Variants in INPP4B observed in about 807,000 individuals in gnomAD.
INPP4B encodes inositol polyphosphate 4-phosphatase type II.
INPP4B carries 55 observed loss-of-function variants against 122.5 expected under a neutral mutation model. The ratio of observed to expected loss-of-function variants is 0.45; its 90% CI spans 0.36 to 0.56. The LOEUF is 0.56. INPP4B is among the 20% of genes least tolerant of loss of function. The pLI is 0.00. For missense variants in INPP4B, 1,000 were observed against 1,097.7 expected, an observed-to-expected ratio of 0.91 and a Z score of 1.26; for synonymous variants, 403 against 388.7, an observed-to-expected ratio of 1.04 and a Z score of -0.43.
At chr4:142,489,077 A>G (rs1406997823) in intron 2 of INPP4B, among the ~76,000 whole-genome samples, 1 of 152,090 alleles carries the variant, frequency 6.6e-6, no homozygotes, top group Non-Finnish European at 1.5e-5. Context: ...AGATTGAAGC[A>G]TTTTCTAATT....
chr4:142,553,365 T>A (rs1728425130), intron 2 of INPP4B, among the ~76,000 whole-genome samples: 1 of 152,192 alleles, frequency 6.6e-6, no homozygotes, highest in African/African-American at 2.4e-5. Context: ...TCAAGTGCAA[T>A]AAATCTAAAA....
intron 18 of INPP4B, 76 bp from the exon 19 acceptor site, chr4:142,124,836 CTTATTT>C (rs1798030668): frequency 9.0e-7 from 1 of 1,115,930 alleles, no homozygotes; most frequent in African/African-American, 1.6e-5. Context: ...CAACTTCCAA[CTTATTT>C]TTAATTTTTC....
At chr4:142,781,330 C>G (rs146204542) in intron 1 of INPP4B, among the ~76,000 whole-genome samples, 120 of 152,306 alleles carry the variant, frequency 7.9e-4, no homozygotes, top group African/African-American at 2.8e-3. Flanking sequence ...AGTGTCGATC[C>G]TATTTCCATA....
At chr4:142,179,068 AAAAAC>A (rs1168827338) in intron 15 of INPP4B, among the ~76,000 whole-genome samples, 1 of 152,170 alleles carries the variant, frequency 6.6e-6, no homozygotes. Flanking sequence ...AGAATTAGAA[AAAAAC>A]AAAACAAAAC....
At chr4:142,603,291 T>C (rs1420843725) in intron 2 of INPP4B, among the ~76,000 whole-genome samples, 2 of 151,948 alleles carry the variant, frequency 1.3e-5, no homozygotes, top group East Asian at 3.9e-4. Flanking sequence ...GCTTAATACC[T>C]AGGTGATGGG....
At chr4:142,765,328 A>C (rs1374053115) in intron 1 of INPP4B, among the ~76,000 whole-genome samples, 2 of 152,166 alleles carry the variant, frequency 1.3e-5, no homozygotes, top group Non-Finnish European at 2.9e-5. Flanking sequence ...CTGGATGTGT[A>C]ATTCTGCAAA....
At chr4:142,032,519 TGAG>T (rs1319057596) in intron 25 of INPP4B, among the ~76,000 whole-genome samples, 1 of 152,206 alleles carries the variant, frequency 6.6e-6, no homozygotes, top group East Asian at 1.9e-4. Flanking sequence ...GACAAAAGTA[TGAG>T]AACTTCAATA....
In INPP4B at chr4:142,225,638, A is replaced by G. The variant is rs1267761843; in HGVS notation, c.836+12226T>C. On this transcript the variant is annotated intron_variant, in intron 12 of 25. Coordinates refer to ENST00000262992, the MANE Select transcript of INPP4B (RefSeq NM_001101669.3). ...CTTTCCTCTAAAGTCCTTGTATTATATGCTAGAAAGATCCTCCCACCTCAC... is the reference window on the plus strand; with the variant it reads ...CTTTCCTCTAAAGTCCTTGTATTATGTGCTAGAAAGATCCTCCCACCTCAC... Among the ~76,000 whole-genome samples the G allele has an allele frequency of 2.6e-5, 4 of 151,632 alleles. No individual in the cohort carries two copies. In the East Asian group the frequency reaches 7.7e-4, roughly 29 times the overall value.
intron 3 of INPP4B, among the ~76,000 whole-genome samples, chr4:142,457,161 A>G (rs1815636223): frequency 6.6e-6 from 1 of 152,062 alleles, no homozygotes; most frequent in African/African-American, 2.4e-5. Flanking sequence ...TCTAATTGTA[A>G]AACCTAAAAC....
chr4:142,201,001 T>C (rs1004252518), intron 14 of INPP4B, among the ~76,000 whole-genome samples: 2 of 152,096 alleles, frequency 1.3e-5, no homozygotes, highest in Non-Finnish European at 2.9e-5. Context: ...CTCAATTGCA[T>C]TCTGATTCTA....
In INPP4B at chr4:142,112,970, AT is replaced by A. The variant is rs781653446; in HGVS notation, c.2136-289del. On this transcript the variant is annotated intron_variant, in intron 21 of 25. Transcript: ENST00000262992. Reference sequence around the variant, plus strand: ...AGGGTCATGTGCATTGATAGCCTCAATTTTTTTTCTTTATTTAATTATTTTT... The same window carrying A: ...AGGGTCATGTGCATTGATAGCCTCAATTTTTTTCTTTATTTAATTATTTTT... Among the ~76,000 whole-genome samples, 22 of 152,018 alleles carry A rather than the reference AT, an allele frequency of 1.4e-4. No individual in the cohort carries two copies. The East Asian group carries it at 1.9e-3, about 13-fold the overall frequency.
chr4:142,648,429 G>A (rs1353808876), intron 2 of INPP4B, among the ~76,000 whole-genome samples: 1 of 152,172 alleles, frequency 6.6e-6, no homozygotes, highest in Non-Finnish European at 1.5e-5. Flanking sequence ...GGGAAGCTGT[G>A]ACAGACTGTA....
At chr4:142,237,472 C>A (rs1359446094) in intron 12 of INPP4B, among the ~76,000 whole-genome samples, 1 of 151,952 alleles carries the variant, frequency 6.6e-6, no homozygotes, top group Non-Finnish European at 1.5e-5. Flanking sequence ...CCCAATATAT[C>A]CAAGTTAATA....
chr4:142,262,439 C>T (rs549709401), intron 10 of INPP4B, among the ~76,000 whole-genome samples: 5 of 152,290 alleles, frequency 3.3e-5, no homozygotes, highest in African/African-American at 9.6e-5. Context: ...CCCCATCTCA[C>T]TCCCTTATTT....
rs13138081 is a variant in INPP4B at position 142,523,794 on chromosome 4, C to T, written c.-190-61068G>A. On this transcript the variant is annotated intron_variant, in intron 2 of 25. Transcript: ENST00000262992. ...CTAGCATTAGGTATATCTCCCAATG[C>T]TATCCCTCCCCCCTCCCCCCACCCC... Among the ~76,000 whole-genome samples, 141 of 140,780 alleles carry T rather than the reference C, an allele frequency of 1.0e-3. 1 individual carries two copies. The highest frequency in any genetic ancestry group is 3.4e-3 in the African/African-American group (130 of 37,852). 92.4% of individuals were successfully genotyped at this position (140,780 alleles called of 152,430 possible).
At chr4:142,585,877 T>TTAC (rs1553963718) in intron 2 of INPP4B, among the ~76,000 whole-genome samples, 16 of 150,598 alleles carry the variant, frequency 1.1e-4, no homozygotes, top group African/African-American at 3.6e-4. Context: ...ATTATTATTA[T>TTAC]ACTTTAAGTT....
chr4:142,611,266 T>C (rs1377642979), intron 2 of INPP4B, among the ~76,000 whole-genome samples: 1 of 151,138 alleles, frequency 6.6e-6, no homozygotes. Flanking sequence ...AAACCATTCA[T>C]GAGAAATCTA....
intron 2 of INPP4B, among the ~76,000 whole-genome samples, chr4:142,641,767 C>T (rs941419866): frequency 6.6e-6 from 1 of 152,092 alleles, no homozygotes; most frequent in South Asian, 2.1e-4. Context: ...ATTTATAGTC[C>T]TTTGGGTATA....
rs1242756244 is a variant in INPP4B at position 142,810,508 on chromosome 4, GTAAGTA to G, written c.-254+35695_-254+35700del. On this transcript the variant is annotated intron_variant, in intron 1 of 25. Transcript: ENST00000262992. ...TTCAGAATATAAATGTTTTACTGCT[GTAAGTA>G]TGAGTACTAATCTACTGAGATTAAC... Among the ~76,000 whole-genome samples, 6 of 152,230 alleles carry G rather than the reference GTAAGTA, an allele frequency of 3.9e-5. No homozygotes were observed. The East Asian group carries it at 1.2e-3, about 29-fold the overall frequency.
Sources: allele counts gnomAD v4.1 joint callset (sites outside exome capture counted in the v4.1 genomes callset), GRCh38; gene constraint gnomAD v4.1.1; transcripts MANE v1.5; gene names NCBI Gene and HGNC (gene_info 2026-07-23, HGNC 2026-07-21).